The following CUX1 variants were observed in gnomAD, a reference collection of about 807,000 sequenced individuals.
The protein encoded by CUX1 is protein CASP.
Under a neutral mutation model 158.8 loss-of-function variants are expected in CUX1, and 31 were observed. The ratio of observed to expected loss-of-function variants is 0.20; its 90% CI spans 0.15 to 0.26. CUX1 has a LOEUF of 0.26. Among genes scored for constraint, CUX1 ranks in the 10% least tolerant of loss-of-function variants. The probability of loss-of-function intolerance (pLI) is 1.00; values close to 1 mark genes in which losing one functional copy is unlikely to be tolerated. For missense variants in CUX1, 1,589 were observed against 2,014.6 expected, an observed-to-expected ratio of 0.79 and a Z score of 4.04; for synonymous variants, 879 against 862.1, an observed-to-expected ratio of 1.02 and a Z score of -0.34.
At chr7:102,164,490 T>C (rs1554508091) in intron 9 of CUX1, among the ~76,000 whole-genome samples, 1 of 152,190 alleles carries the variant, frequency 6.6e-6, no homozygotes, top group Non-Finnish European at 1.5e-5. Flanking sequence ...GCCCTCTTCC[T>C]GTTCACCTGC....
chr7:102,001,337 C>CTGTTTGTT (rs113182553), intron 2 of CUX1, among the ~76,000 whole-genome samples: 40 of 151,850 alleles, frequency 2.6e-4, no homozygotes, highest in African/African-American at 9.7e-4. Context: ...TGAAAAGCTC[C>CTGTTTGTT]TGTTTGTTTG....
intron 8 of CUX1, among the ~76,000 whole-genome samples, chr7:102,130,052 G>A (rs530820555): frequency 1.3e-5 from 2 of 152,172 alleles, no homozygotes; most frequent in East Asian, 1.9e-4. Flanking sequence ...TTTCCTTCAC[G>A]GCTTGTTTGC....
rs1372567190 is a variant in CUX1, at chr7:102,003,075, T to A, written c.142-25023T>A. 2.6e-5 allele frequency among the ~76,000 whole-genome samples: 4 copies of A among 152,146 alleles called. No homozygotes were observed. The East Asian group carries it at 5.8e-4, about 22-fold the overall frequency. ...TGCCACCACACCCAGCTAATTTTTG[T>A]ATTTTTAGTAGAGACAGGGTTTCGT... On this transcript the variant is annotated intron_variant, in intron 2 of 23. Transcript: ENST00000292535.
intron 1 of CUX1, among the ~76,000 whole-genome samples, chr7:101,823,747 G>A (rs909249185): frequency 4.6e-5 from 7 of 152,160 alleles, no homozygotes; most frequent in African/African-American, 1.4e-4. Context: ...GAGGTGTTCC[G>A]AGTTTGGTTA....
chr7:101,943,954 A>G (rs1808044486), intron 2 of CUX1, among the ~76,000 whole-genome samples: 1 of 90,004 alleles, frequency 1.1e-5, no homozygotes, highest in African/African-American at 4.8e-5. Context: ...CCGCGTCTCT[A>G]TTTAAAAATT....
chr7:101,941,798 G>A (rs935994766), intron 2 of CUX1, among the ~76,000 whole-genome samples: 3 of 152,206 alleles, frequency 2.0e-5, no homozygotes, highest in Admixed American at 6.5e-5. Flanking sequence ...CCCCACGAAA[G>A]CCTTTGGACG....
At chr7:102,116,281 A>G (rs201502) in intron 8 of CUX1, among the ~76,000 whole-genome samples, 95,560 of 151,862 alleles carry the variant, frequency 0.63, 31,587 homozygotes, top group African/African-American at 0.8. Context: ...GCTCTGGGTC[A>G]TTTAGTAGCC....
chr7:102,248,787 T>G lies in CUX1; in HGVS notation c.4263T>G (p.Ala1421=). ...CGCCCGCGGCCCCCGAGGACGCCGCTACCTCAGCCGCCGCCGCGCCGGGGG... is the reference window on the plus strand; with the variant it reads ...CGCCCGCGGCCCCCGAGGACGCCGCGACCTCAGCCGCCGCCGCGCCGGGGG... The part of the protein sequence containing the change: ...TAAPAAPEDA[A]TSAAAAPGEG... Residue 1421 remains alanine, a synonymous_variant, in exon 24 of 24, where the codon GCT becomes GCG. Coordinates refer to ENST00000292535, the MANE Select transcript of CUX1 (RefSeq NM_181552.4). This position sits in a 1 kb window ranked among gnomAD's most constrained non-coding sequence, Gnocchi z 5.8. 2.8e-6 allele frequency: 3 copies of G among 1,064,922 alleles called. No homozygotes were observed. Among genetic ancestry groups the G allele is most frequent in the Non-Finnish European group, 3.4e-6 (3 of 880,612 alleles). The allele number at this position is 1,064,922 out of a possible 1,614,324, so 66.0% of individuals were successfully genotyped here.
At chr7:102,099,164 C>T (rs1419403157) in intron 5 of CUX1, among the ~76,000 whole-genome samples, 2 of 152,116 alleles carry the variant, frequency 1.3e-5, no homozygotes, top group African/African-American at 2.4e-5. Flanking sequence ...GGTACTCAAG[C>T]CCTCAGGCCA....
chr7:102,246,557 G>A (rs111342065), intron 23 of CUX1, among the ~76,000 whole-genome samples: 12,125 of 134,196 alleles, frequency 0.09, 721 homozygotes, highest in African/African-American at 0.18. Flanking sequence ...CGCAGAGTAG[G>A]AGCCCAGAAA....
At chr7:101,818,033 C>G (rs1428202441) in intron 1 of CUX1, among the ~76,000 whole-genome samples, 2 of 152,206 alleles carry the variant, frequency 1.3e-5, no homozygotes, top group Non-Finnish European at 1.5e-5. Context: ...CTCTTGCCTA[C>G]TAAGAACGAT....
upstream of CUX1, chr7:101,817,311 G>A: frequency 6.1e-6 from 6 of 984,864 alleles, no homozygotes; most frequent in Non-Finnish European, 7.2e-6. This position sits in a 1 kb window ranked among gnomAD's most constrained non-coding sequence, Gnocchi z 4.1. Context: ...CGTCCCCTCG[G>A]GGCTTCTGCC....
intron 3 of CUX1, among the ~76,000 whole-genome samples, chr7:102,059,898 T>G (rs1309163798): frequency 6.6e-6 from 1 of 152,192 alleles, no homozygotes; most frequent in Non-Finnish European, 1.5e-5. Flanking sequence ...CCTGTGTTTA[T>G]TTCTAAATCA....
intron 2 of CUX1, among the ~76,000 whole-genome samples, chr7:101,920,513 G>A (rs1327415225): frequency 6.6e-6 from 1 of 152,120 alleles, no homozygotes; most frequent in Non-Finnish European, 1.5e-5. Context: ...CTCCCACTTT[G>A]GCCTCCCAAA....
At chr7:102,180,941 A>ATTTTATTTTG (rs1355761817) in intron 11 of CUX1, among the ~76,000 whole-genome samples, 1 of 133,406 alleles carries the variant, frequency 7.5e-6, no homozygotes, top group East Asian at 2.0e-4. Context: ...ATTTTATTTT[A>ATTTTATTTTG]TTTTATTTTA....
intron 2 of CUX1, among the ~76,000 whole-genome samples, chr7:101,919,883 A>G (rs1250337279): frequency 2.6e-5 from 4 of 152,068 alleles, no homozygotes; most frequent in Non-Finnish European, 4.4e-5. Flanking sequence ...GACAGGCGGG[A>G]GAAGCCACAG....
intron 1 of CUX1, chr7:101,822,253 C>T (rs1265976909): frequency 1.3e-5 from 2 of 152,174 alleles, no homozygotes; most frequent in Non-Finnish European, 2.9e-5. Flanking sequence ...TGTCGATCAC[C>T]CTGGTTTTGG....
At chr7:102,180,924 T>C (rs577375600) in intron 11 of CUX1, among the ~76,000 whole-genome samples, 1 of 141,900 alleles carries the variant, frequency 7.0e-6, no homozygotes. Flanking sequence ...TTATTGTATT[T>C]TATTTTATTT....
intron 1 of CUX1, among the ~76,000 whole-genome samples, chr7:101,857,063 T>C (rs1796925435): frequency 6.6e-6 from 1 of 152,188 alleles, no homozygotes; most frequent in East Asian, 1.9e-4. Flanking sequence ...TCAGATCCTC[T>C]CCAGCAGGTG....
Sources: gnomAD v4.1 joint callset for allele counts (sites outside exome capture counted in the v4.1 genomes callset) on GRCh38, gnomAD v4.1.1 for gene constraint, Gnocchi (gnomAD v3.1) non-coding constraint, MANE v1.5 for transcripts, NCBI Gene and HGNC (gene_info 2026-07-23, HGNC 2026-07-21) for gene names.